Variants in PLD1 observed in about 807,000 individuals in gnomAD.
PLD1 encodes choline phosphatase 1.
PLD1 carries 112 observed loss-of-function variants against 137.1 expected under a neutral mutation model. That is an observed-to-expected ratio of 0.82 (90% CI 0.70 to 0.96). The LOEUF (loss-of-function observed/expected upper bound fraction) is 0.96, where lower values mean the gene tolerates loss of function less well. Among genes scored for constraint, PLD1 ranks in the 40% least tolerant of loss-of-function variants. The pLI, the probability that PLD1 is intolerant of heterozygous loss-of-function variation, is 0.00. For synonymous variants in PLD1, 431 were observed against 454.7 expected, an observed-to-expected ratio of 0.95 and a Z score of 0.66; for missense variants, 1,321 against 1,342.0, an observed-to-expected ratio of 0.98 and a Z score of 0.24.
At chr3:171,621,145 C>T (rs1207731809) in intron 23 of PLD1, among the ~76,000 whole-genome samples, 1 of 152,148 alleles carries the variant, frequency 6.6e-6, no homozygotes, top group African/African-American at 2.4e-5. Flanking sequence ...ATCCTTACTA[C>T]ATTAGACTTA....
chr3:171,780,213 A>G (rs1181464007), intron 1 of PLD1, among the ~76,000 whole-genome samples: 1 of 146,648 alleles, frequency 6.8e-6, no homozygotes, highest in East Asian at 2.0e-4. Context: ...TGAGATTCAG[A>G]ACTGGGGTTT....
intron 18 of PLD1, among the ~76,000 whole-genome samples, chr3:171,676,062 G>A (rs1197267724): frequency 1.3e-5 from 2 of 151,956 alleles, no homozygotes; most frequent in South Asian, 2.1e-4. Context: ...GGCTGGTCTC[G>A]AACTCCTGAC....
intron 23 of PLD1, among the ~76,000 whole-genome samples, chr3:171,631,640 G>T (rs1486363021): frequency 6.6e-6 from 1 of 152,150 alleles, no homozygotes; most frequent in East Asian, 1.9e-4. Context: ...GCCAGTAAAA[G>T]AAGATGATTA....
At chr3:171,670,048 CAT>C (rs1276197755) in intron 19 of PLD1, among the ~76,000 whole-genome samples, 1 of 152,108 alleles carries the variant, frequency 6.6e-6, no homozygotes, top group Non-Finnish European at 1.5e-5. Context: ...TGTTCTCACT[CAT>C]ATGTGGAAGC....
chr3:171,718,016 G>A (rs1214301969), intron 8 of PLD1, among the ~76,000 whole-genome samples: 1 of 152,152 alleles, frequency 6.6e-6, no homozygotes, highest in Non-Finnish European at 1.5e-5. Flanking sequence ...CTGTTTATGT[G>A]ATGAATCACA....
intron 19 of PLD1, among the ~76,000 whole-genome samples, chr3:171,668,721 A>G (rs1712419438): frequency 6.6e-6 from 1 of 152,112 alleles, no homozygotes; most frequent in Non-Finnish European, 1.5e-5. Context: ...TGTCCAAGGA[A>G]TGGTTTCTAC....
chr3:171,674,157 C>A (rs1222803692), intron 19 of PLD1, among the ~76,000 whole-genome samples: 1 of 152,224 alleles, frequency 6.6e-6, no homozygotes, highest in East Asian at 1.9e-4. Context: ...AGCTTCCTAG[C>A]TGCTAAGTTT....
At chr3:171,657,913 T>C (rs1393514077) in intron 21 of PLD1, among the ~76,000 whole-genome samples, 1 of 152,126 alleles carries the variant, frequency 6.6e-6, no homozygotes, top group Non-Finnish European at 1.5e-5. Context: ...ATATATCTGA[T>C]ATGAGACTTG....
At chr3:171,727,724 C>CT (rs1264955416) in intron 6 of PLD1, among the ~76,000 whole-genome samples, 1 of 151,934 alleles carries the variant, frequency 6.6e-6, no homozygotes, top group Admixed American at 6.6e-5. Context: ...CATGACATCA[C>CT]AGAGGCAGGG....
intron 6 of PLD1, among the ~76,000 whole-genome samples, chr3:171,728,953 C>T (rs537264733): frequency 1.3e-5 from 2 of 151,884 alleles, no homozygotes; most frequent in Admixed American, 6.5e-5. Context: ...TGGCAATAAA[C>T]GTTTTTCTAA....
Position 171,602,461 on chromosome 3 carries a change from C to G in PLD1, c.*617G>C, listed in dbSNP as rs1190955461. On this transcript the variant is annotated 3_prime_UTR_variant, in exon 27 of 27. Transcript: ENST00000351298. ...ACAGTGTCAATGTTACCAGAAGTGCCTAACACAGTCTACTGTGTAGGCTAA... is the reference window on the plus strand; with the variant it reads ...ACAGTGTCAATGTTACCAGAAGTGCGTAACACAGTCTACTGTGTAGGCTAA... 1 of 153,548 alleles carries G rather than the reference C, an allele frequency of 6.5e-6. No homozygotes were observed. Among genetic ancestry groups the G allele is most frequent in the Admixed American group, 6.5e-5 (1 of 15,484 alleles). The allele number at this position is 153,548 out of a possible 1,614,324, so 9.5% of individuals were successfully genotyped here.
chr3:171,624,328 G>C (rs901257963), intron 23 of PLD1, among the ~76,000 whole-genome samples: 4 of 152,202 alleles, frequency 2.6e-5, no homozygotes, highest in African/African-American at 4.8e-5. Flanking sequence ...GAAACCATTT[G>C]TTATCTATAA....
chr3:171,627,671 T>C (rs1025623587), intron 23 of PLD1, among the ~76,000 whole-genome samples: 43 of 152,144 alleles, frequency 2.8e-4, no homozygotes, highest in African/African-American at 1.0e-3. Context: ...TCTCAGACCA[T>C]AGTGCAATCA....
intron 19 of PLD1, among the ~76,000 whole-genome samples, chr3:171,673,194 C>A (rs192152306): frequency 3.6e-4 from 55 of 152,196 alleles, no homozygotes; most frequent in Admixed American, 3.5e-3. Flanking sequence ...ACATATAAAT[C>A]ATAGCTATCT....
chr3:171,760,491 T>A (rs1177719578), intron 1 of PLD1, among the ~76,000 whole-genome samples: 1 of 152,244 alleles, frequency 6.6e-6, no homozygotes, highest in Non-Finnish European at 1.5e-5. Context: ...TCATGAGACA[T>A]CCTCTAGTTT....
chr3:171,745,524 C>A (rs1359485992), intron 1 of PLD1, among the ~76,000 whole-genome samples: 2 of 152,260 alleles, frequency 1.3e-5, no homozygotes, highest in African/African-American at 4.8e-5. Flanking sequence ...TTTGGCACAG[C>A]CTCCATGGCA....
At chr3:171,652,040 CCTCTT>C (rs1412040641) in intron 21 of PLD1, among the ~76,000 whole-genome samples, 1 of 152,146 alleles carries the variant, frequency 6.6e-6, no homozygotes, top group Non-Finnish European at 1.5e-5. Flanking sequence ...CCCAAGGTAA[CCTCTT>C]CTCCAGAAAT....
intron 1 of PLD1, among the ~76,000 whole-genome samples, chr3:171,751,302 C>A (rs1290059644): frequency 1.3e-5 from 2 of 151,846 alleles, no homozygotes; most frequent in East Asian, 3.9e-4. Flanking sequence ...AAAGCACAAA[C>A]CATAAAGGAA....
At chr3:171,709,767 T>G in intron 9 of PLD1, 58 bp from the exon 10 acceptor site, 1 of 1,457,034 alleles carries the variant, frequency 6.9e-7, no homozygotes, top group Non-Finnish European at 9.3e-7. Context: ...TCTCATGCTC[T>G]TTTTTATTTG....
Sources: gnomAD v4.1 joint callset for allele counts (sites outside exome capture counted in the v4.1 genomes callset) on GRCh38, gnomAD v4.1.1 for gene constraint, MANE v1.5 for transcripts, NCBI Gene and HGNC (gene_info 2026-07-23, HGNC 2026-07-21) for gene names.